WDFY3: variants seen among roughly 807,000 people sequenced by gnomAD.
WDFY3 encodes the protein WD repeat and FYVE domain containing 3.
WDFY3 carries 66 observed loss-of-function variants against 409.6 expected under a neutral mutation model. The ratio of observed to expected loss-of-function variants is 0.16; its 90% CI spans 0.13 to 0.20. The LOEUF is 0.20. Among genes scored for constraint, WDFY3 ranks in the 10% least tolerant of loss-of-function variants. WDFY3 has a pLI of 1.00. For missense variants in WDFY3, 3,031 were observed against 4,298.1 expected (o/e 0.71, Z 8.24); for synonymous variants, 1,521 against 1,537.1 (o/e 0.99, Z 0.25).
At chr4:84,782,909 G>A in intron 25 of WDFY3, 54 bp downstream of exon 25, 5 of 1,557,936 alleles carry the variant, frequency 3.2e-6, no homozygotes, top group Admixed American at 1.7e-5. Flanking sequence ...GAAAGTGAAT[G>A]CAAACTTGAT....
chr4:84,856,555 G>GA (rs1196816638), intron 4 of WDFY3, among the ~76,000 whole-genome samples: 3 of 152,070 alleles, frequency 2.0e-5, no homozygotes, highest in Non-Finnish European at 4.4e-5. Context: ...CAGTAAGAGG[G>GA]AAGATAACAG....
At chr4:84,902,388 A>G (rs879135652) in intron 2 of WDFY3, among the ~76,000 whole-genome samples, 1 of 152,222 alleles carries the variant, frequency 6.6e-6, no homozygotes, top group Non-Finnish European at 1.5e-5. Context: ...ATCCAATAAA[A>G]TAGTTTTTTT....
chr4:84,703,025 G>A (rs1016265152), intron 55 of WDFY3, among the ~76,000 whole-genome samples: 1 of 151,852 alleles, frequency 6.6e-6, no homozygotes, highest in South Asian at 2.1e-4. Flanking sequence ...GAACCCCAGG[G>A]GGCGGAGCCT....
At chr4:84,687,612 C>T (rs1259230998) in intron 62 of WDFY3, 1 of 152,302 alleles carries the variant, frequency 6.6e-6, no homozygotes, top group Non-Finnish European at 1.5e-5. Context: ...CATCTATTTG[C>T]TTTTCAAACA....
intron 2 of WDFY3, among the ~76,000 whole-genome samples, chr4:84,913,401 A>C (rs1206179869): frequency 1.3e-5 from 2 of 152,200 alleles, no homozygotes; most frequent in African/African-American, 4.8e-5. Flanking sequence ...AAGATGTATG[A>C]TAGAGCTGAT....
At chr4:84,731,845 A>G (rs1736660292) in intron 44 of WDFY3, among the ~76,000 whole-genome samples, 1 of 152,248 alleles carries the variant, frequency 6.6e-6, no homozygotes, top group Non-Finnish European at 1.5e-5. Context: ...TGCCTCAGTT[A>G]AATCTAAACA....
chr4:84,716,825 T>C (rs936786928), intron 49 of WDFY3, 71 bp downstream of exon 49: 2 of 1,261,596 alleles, frequency 1.6e-6, no homozygotes, highest in Non-Finnish European at 2.1e-6. Flanking sequence ...AAATAAAAAA[T>C]AAAATAAAAT....
intron 34 of WDFY3, among the ~76,000 whole-genome samples, chr4:84,754,230 C>T (rs1003897785): frequency 6.6e-6 from 1 of 151,986 alleles, no homozygotes; most frequent in Admixed American, 6.6e-5. Context: ...GTGCATCATG[C>T]TAAGTTAGGA....
intron 2 of WDFY3, among the ~76,000 whole-genome samples, chr4:84,897,741 C>T (rs192169624): frequency 4.6e-5 from 7 of 152,302 alleles, no homozygotes; most frequent in Admixed American, 3.3e-4. Context: ...GAGCCCACAA[C>T]ACAGGACTCA....
chr4:84,688,367 T>C (rs1728674608), intron 61 of WDFY3, 102 bp from the exon 62 acceptor site: 3 of 1,170,096 alleles, frequency 2.6e-6, no homozygotes, highest in Non-Finnish European at 2.4e-6. Context: ...GTGGCACGCA[T>C]GCTAGGTAGT....
chr4:84,897,533 C>A (rs1459068263), intron 2 of WDFY3, among the ~76,000 whole-genome samples: 2 of 152,072 alleles, frequency 1.3e-5, no homozygotes, highest in African/African-American at 4.8e-5. Flanking sequence ...CAGGTGTACG[C>A]CACCATGCCT....
chr4:84,870,008 C>T (rs752479179), intron 3 of WDFY3, among the ~76,000 whole-genome samples: 9 of 152,092 alleles, frequency 5.9e-5, no homozygotes, highest in Non-Finnish European at 1.0e-4. Context: ...AGAAGCTATC[C>T]TGTAGAAATA....
chr4:84,734,976 G>A, intron 43 of WDFY3, 67 bp downstream of exon 43: 3 of 1,334,222 alleles, frequency 2.2e-6, no homozygotes, highest in African/African-American at 1.5e-5. Flanking sequence ...AAGATACCAG[G>A]ACAAACAGAG....
intron 31 of WDFY3, 89 bp from the exon 32 acceptor site, chr4:84,766,116 G>A (rs1353087195): frequency 8.0e-6 from 12 of 1,508,236 alleles, no homozygotes; most frequent in Non-Finnish European, 9.9e-6. Flanking sequence ...AGAAGACTGA[G>A]TTTCATTCTG....
chr4:84,902,848 A>G (rs1330373984), intron 2 of WDFY3, among the ~76,000 whole-genome samples: 2 of 152,164 alleles, frequency 1.3e-5, no homozygotes, highest in African/African-American at 4.8e-5. Flanking sequence ...CCTCTTTCAG[A>G]CTTATTGTCA....
intron 62 of WDFY3, among the ~76,000 whole-genome samples, chr4:84,686,106 C>T (rs1351977061): frequency 6.6e-6 from 1 of 152,128 alleles, no homozygotes; most frequent in African/African-American, 2.4e-5. Flanking sequence ...GAGATCGAAA[C>T]CATCTTCGCT....
intron 35 of WDFY3, among the ~76,000 whole-genome samples, chr4:84,753,124 T>C (rs1050883028): frequency 1.5e-4 from 23 of 152,206 alleles, no homozygotes; most frequent in Admixed American, 2.0e-4. Flanking sequence ...GGCAGCATTT[T>C]TGGGCTTATT....
Position 84,772,855 on chromosome 4 carries a change from T to C in WDFY3, c.4829A>G (p.Asn1610Ser). Reference sequence around the variant, plus strand: ...CTTACCAGTGTCAAGCTTCTCTTCATTATTTATTTCCATTACTACAAATTT... The same window carrying C: ...CTTACCAGTGTCAAGCTTCTCTTCACTATTTATTTCCATTACTACAAATTT... ...CEKFVVMEIN[N>S]EEKLDTGTEE... Residue 1610 changes from asparagine to serine, a missense_variant, in exon 30 of 68, where the codon AAT becomes AGT. Coordinates refer to ENST00000295888, the MANE Select transcript of WDFY3 (RefSeq NM_014991.6). The C allele has an allele frequency of 6.2e-7, 1 of 1,611,838 alleles. No individual in the cohort carries two copies. Among genetic ancestry groups the C allele is most frequent in the Non-Finnish European group, 8.5e-7 (1 of 1,179,082 alleles).
At chr4:84,882,780 C>G (rs1763717736) in intron 3 of WDFY3, among the ~76,000 whole-genome samples, 1 of 151,144 alleles carries the variant, frequency 6.6e-6, no homozygotes, top group Non-Finnish European at 1.5e-5. Flanking sequence ...ATGGCATGAT[C>G]AGAGCTCACT....
Sources: gnomAD v4.1 joint callset for allele counts (sites outside exome capture counted in the v4.1 genomes callset) on GRCh38, gnomAD v4.1.1 for gene constraint, MANE v1.5 for transcripts, NCBI Gene and HGNC (gene_info 2026-07-23, HGNC 2026-07-21) for gene names.